Variants in NRG1 observed in about 807,000 individuals in gnomAD.
NRG1 encodes the protein pro-neuregulin-1, membrane-bound isoform.
A neutral mutation model predicts 63.8 loss-of-function variants in NRG1; 18 were observed. The observed-to-expected ratio is 0.28, with a 90% CI of 0.19 to 0.42. The LOEUF (loss-of-function observed/expected upper bound fraction) is 0.42. NRG1 is among the 10% of genes least tolerant of loss of function. NRG1 has a pLI of 1.00. For synonymous variants in NRG1, 302 were observed against 301.3 expected (o/e 1.00, Z -0.02); for missense variants, 762 against 814.7 (o/e 0.94, Z 0.79).
chr8:32,711,110 A>G (rs1447675631), intron 5 of NRG1, among the ~76,000 whole-genome samples: 1 of 152,134 alleles, frequency 6.6e-6, no homozygotes, highest in African/African-American at 2.4e-5. Flanking sequence ...AAGAGGCGTC[A>G]TCGGGCAGAA....
At chr8:32,010,074 C>T (rs1814494755) in intron 1 of NRG1, among the ~76,000 whole-genome samples, 1 of 152,018 alleles carries the variant, frequency 6.6e-6, no homozygotes, top group Admixed American at 6.6e-5. Flanking sequence ...CTCTCAATGA[C>T]AGGTATGACT....
chr8:31,953,498 T>C (rs1803826089), intron 1 of NRG1, among the ~76,000 whole-genome samples: 1 of 152,184 alleles, frequency 6.6e-6, no homozygotes, highest in Admixed American at 6.5e-5. Context: ...CTCTGACTTA[T>C]CAAAATGTAG....
At chr8:31,990,270 G>A (rs968670920) in intron 1 of NRG1, among the ~76,000 whole-genome samples, 2 of 152,060 alleles carry the variant, frequency 1.3e-5, no homozygotes, top group Non-Finnish European at 2.9e-5. Flanking sequence ...AACAAGCTAA[G>A]TTGCATTTGA....
chr8:32,389,567 T>C (rs1811447101), intron 1 of NRG1, among the ~76,000 whole-genome samples: 1 of 152,128 alleles, frequency 6.6e-6, no homozygotes, highest in African/African-American at 2.4e-5. Flanking sequence ...AATCAGTATG[T>C]CTCTGCATCT....
In NRG1 at chr8:32,420,088, G is replaced by A. The variant is rs575130321; in HGVS notation, c.38-175740G>A. On this transcript the variant is annotated intron_variant, in intron 1 of 10. Coordinates refer to the NRG1 transcript ENST00000519301. ...GAGGGTCAGGGTCTAGAGAGTCCAC[G>A]TTGCTGCTCGTACTCTCTGTGTTTA... is the stretch of plus-strand genomic sequence containing the variant. 1.2e-3 allele frequency among the ~76,000 whole-genome samples: 182 copies of A among 152,180 alleles called. 6 individuals are homozygous for A. The South Asian group carries it at 0.033, about 28-fold the overall frequency.
chr8:31,797,008 G>T (rs1052225758), intron 1 of NRG1, among the ~76,000 whole-genome samples: 1 of 151,992 alleles, frequency 6.6e-6, no homozygotes, highest in African/African-American at 2.4e-5. Context: ...TGTTATTTTT[G>T]GTGAAGTTCT....
intron 7 of NRG1, among the ~76,000 whole-genome samples, chr8:32,748,356 CACAG>C (rs764258730): frequency 9.4e-4 from 76 of 81,060 alleles, no homozygotes; most frequent in South Asian, 1.4e-3. Flanking sequence ...CACACACACA[CACAG>C]AGAGAGAGAG....
intron 1 of NRG1, among the ~76,000 whole-genome samples, chr8:32,585,874 A>G (rs1841526239): frequency 6.6e-6 from 1 of 152,112 alleles, no homozygotes. Flanking sequence ...AATCTTTAGC[A>G]CATTGTCTGG....
chr8:31,995,449 C>G (rs1811808447), intron 1 of NRG1, among the ~76,000 whole-genome samples: 1 of 151,932 alleles, frequency 6.6e-6, no homozygotes, highest in South Asian at 2.1e-4. Flanking sequence ...AAAGATCACA[C>G]TGAAAATTAT....
chr8:32,304,502 AAG>A (rs1316260412), intron 1 of NRG1, among the ~76,000 whole-genome samples: 40 of 152,290 alleles, frequency 2.6e-4, no homozygotes, highest in African/African-American at 8.4e-4. Context: ...AATGAAATTG[AAG>A]ACTTAGTAAA....
chr8:32,763,178 G>A, intron 11 of NRG1: 1 of 1,600,666 alleles, frequency 6.2e-7, no homozygotes, highest in South Asian at 1.1e-5. Flanking sequence ...ACTGTTGTCA[G>A]GAATAAATCT....
In NRG1 at chr8:31,777,806, G is replaced by T. The variant is rs544895705; in HGVS notation, c.37+138375G>T. ...GCTCTTTTTAACAGCCAGGTTGGCA[G>T]GGGGTGTGTGGGGAGACTCTTGTGG... On this transcript the variant is annotated intron_variant, in intron 1 of 10. Coordinates refer to the NRG1 transcript ENST00000519301. Among the ~76,000 whole-genome samples the T allele has an allele frequency of 2.0e-5, 3 of 152,234 alleles. No homozygotes were observed. In the South Asian group the frequency reaches 6.2e-4, roughly 32 times the overall value.
At chr8:31,844,272 C>T (rs1826467544) in intron 1 of NRG1, among the ~76,000 whole-genome samples, 1 of 152,172 alleles carries the variant, frequency 6.6e-6, no homozygotes, top group South Asian at 2.1e-4. Flanking sequence ...TATCGCTGTG[C>T]TAAAGGGTTC....
At chr8:31,644,746 C>A (rs1307722262) in intron 1 of NRG1, among the ~76,000 whole-genome samples, 1 of 151,876 alleles carries the variant, frequency 6.6e-6, no homozygotes, top group Non-Finnish European at 1.5e-5. Flanking sequence ...AACATAATGT[C>A]TTTTACAACC....
At chr8:32,597,217 G>A (rs1413851373) in intron 2 of NRG1, among the ~76,000 whole-genome samples, 2 of 152,128 alleles carry the variant, frequency 1.3e-5, no homozygotes, top group African/African-American at 2.4e-5. Flanking sequence ...TATGGTAACA[G>A]AAGCAACAGA....
chr8:31,825,477 G>A (rs1824460064), intron 1 of NRG1, among the ~76,000 whole-genome samples: 1 of 152,198 alleles, frequency 6.6e-6, no homozygotes, highest in African/African-American at 2.4e-5. Context: ...GGAAAGGAGA[G>A]TGTCTGAACA....
intron 1 of NRG1, among the ~76,000 whole-genome samples, chr8:31,895,264 C>G (rs961762450): frequency 1.3e-5 from 2 of 152,200 alleles, no homozygotes; most frequent in Admixed American, 6.5e-5. Flanking sequence ...AAAGCCAGGT[C>G]CCCAAAGAAG....
intron 1 of NRG1, among the ~76,000 whole-genome samples, chr8:31,830,303 T>C (rs1054349231): frequency 4.1e-5 from 2 of 48,314 alleles, no homozygotes; most frequent in African/African-American, 1.6e-4. Flanking sequence ...CTCTTCTTTT[T>C]TCCTTCCTTC....
chr8:32,053,832 T>G (rs1822391385), intron 1 of NRG1, among the ~76,000 whole-genome samples: 1 of 152,218 alleles, frequency 6.6e-6, no homozygotes, highest in South Asian at 2.1e-4. Context: ...CTTTAAATGC[T>G]ATAAATGTTA....
Sources: gnomAD v4.1 joint callset for allele counts (sites outside exome capture counted in the v4.1 genomes callset) on GRCh38, gnomAD v4.1.1 for gene constraint, MANE v1.5 for transcripts, NCBI Gene and HGNC (gene_info 2026-07-23, HGNC 2026-07-21) for gene names.